Variants in UNC50 observed in about 807,000 individuals in gnomAD.
UNC50 encodes the protein unc-50 inner nuclear membrane RNA binding protein.
A neutral mutation model predicts 31.5 loss-of-function variants in UNC50; 24 were observed. The ratio of observed to expected loss-of-function variants is 0.76; its 90% CI spans 0.55 to 1.07. UNC50 has a LOEUF of 1.07. Among genes scored for constraint, UNC50 ranks in the 50% least tolerant of loss-of-function variants. The probability of loss-of-function intolerance (pLI) is 0.00; values close to 1 mark genes in which losing one functional copy is unlikely to be tolerated. For synonymous variants in UNC50, 118 were observed against 114.7 expected (o/e 1.03, Z -0.18); for missense variants, 245 against 304.2 (o/e 0.81, Z 1.45).
intron 3 of UNC50, among the ~76,000 whole-genome samples, chr2:98,614,931 G>A (rs1371144269): frequency 1.3e-5 from 2 of 152,182 alleles, no homozygotes; most frequent in African/African-American, 4.8e-5. Context: ...CCCTTGAGAT[G>A]AAATGAAATA....
At chr2:98,611,288 A>G (rs749814725) in intron 3 of UNC50, among the ~76,000 whole-genome samples, 21 of 152,242 alleles carry the variant, frequency 1.4e-4, no homozygotes, top group Non-Finnish European at 2.2e-4. Context: ...GACTTGAGAC[A>G]TCAGTCAATA....
chr2:98,618,384 T>TATC lies in UNC50; in HGVS notation c.*84_*86dup, dbSNP rs112341349. ...TTTCTTGTAAAACTTGTAAATAAAC[T>TATC]ATCATCTTTGTAGATATCTTAAAGG... is the stretch of plus-strand genomic sequence containing the variant. On this transcript the variant is annotated 3_prime_UTR_variant, in exon 6 of 6. Coordinates refer to ENST00000357765, the MANE Select transcript of UNC50 (RefSeq NM_014044.7). 1,422 of 1,435,352 alleles carry TATC rather than the reference T, an allele frequency of 9.9e-4. 14 individuals are homozygous for TATC. In the African/African-American group the frequency reaches 0.017, roughly 17 times the overall value. 88.9% of individuals were successfully genotyped at this position (1,435,352 alleles called of 1,614,324 possible).
chr2:98,617,761 TA>T (rs1700954713), intron 5 of UNC50, among the ~76,000 whole-genome samples: 1 of 152,198 alleles, frequency 6.6e-6, no homozygotes, highest in African/African-American at 2.4e-5. Context: ...CTCAAATAGC[TA>T]AAAGATGTTT....
intron 3 of UNC50, among the ~76,000 whole-genome samples, chr2:98,613,724 C>T (rs982220862): frequency 4.6e-5 from 7 of 152,146 alleles, no homozygotes; most frequent in African/African-American, 1.7e-4. Flanking sequence ...ACCAAATCAG[C>T]CTGGAGTTTA....
rs752690296 is a variant in UNC50, at chr2:98,608,608, G to T, written c.-123G>T. 207 of 600,278 alleles carry T rather than the reference G, an allele frequency of 3.4e-4. No homozygotes were observed. Among genetic ancestry groups the T allele is most frequent in the Non-Finnish European group, 5.8e-4 (195 of 338,594 alleles). 37.2% of individuals were successfully genotyped at this position (600,278 alleles called of 1,614,324 possible). ...GAAGTCGGTTCCCGTGACGCGGCGCGCCCCAAGGGCCGGCTCCGTTGAGGG... is the reference window on the plus strand; with the variant it reads ...GAAGTCGGTTCCCGTGACGCGGCGCTCCCCAAGGGCCGGCTCCGTTGAGGG... On this transcript the variant is annotated 5_prime_UTR_variant, in exon 1 of 6. Transcript: ENST00000357765.
At position 98,609,738 on chromosome 2, in the gene UNC50, T is replaced by C; in HGVS notation, c.-4-18T>C. ...TTCTTCAGAATACGTGTAAAAGAAATGTTTTTCTTCCATCTAGGAAGATGT... is the reference window on the plus strand; with the variant it reads ...TTCTTCAGAATACGTGTAAAAGAAACGTTTTTCTTCCATCTAGGAAGATGT... On this transcript the variant is annotated intron_variant, in intron 1 of 5. Transcript: ENST00000357765. 1 of 1,613,796 alleles carries C rather than the reference T, an allele frequency of 6.2e-7. No homozygotes were observed. The highest frequency in any genetic ancestry group is 1.3e-5 in the African/African-American group (1 of 75,062).
Position 98,610,023 on chromosome 2 carries a change from A to T in UNC50, c.264A>T (p.Leu88Phe), listed in dbSNP as rs775144283. ...ATGACCCTGCTTTCTTGGTCCTGTT[A>T]AGTATCTGGCTCTGTGGTAAGTGTG... ...ARDDPAFLVL[L>F]SIWLCVSTIG... Residue 88 changes from leucine to phenylalanine, a missense_variant, in exon 2 of 6, where the codon TTA (leucine) becomes TTT (phenylalanine). By Grantham distance (22) the Leu-to-Phe change is conservative. Transcript: ENST00000357765. 1 of 1,613,646 alleles carries T rather than the reference A, an allele frequency of 6.2e-7. No homozygotes were observed. Among genetic ancestry groups the T allele is most frequent in the South Asian group, 1.1e-5 (1 of 91,082 alleles).
chr2:98,611,041 C>T (rs1431605037), intron 3 of UNC50, 146 bp downstream of exon 3: 12 of 996,746 alleles, frequency 1.2e-5, no homozygotes, highest in Non-Finnish European at 1.7e-5. Context: ...TTACAATTTT[C>T]CCTCCTGTGT....
In UNC50 at chr2:98,610,978, A is replaced by G. The variant is rs958686561; in HGVS notation, c.401+83A>G. The G allele has an allele frequency of 2.7e-6, 4 of 1,460,038 alleles. No individual in the cohort carries two copies. In the Admixed American group the frequency reaches 9.0e-5, roughly 33 times the overall value. The allele number at this position is 1,460,038 out of a possible 1,614,324, so 90.4% of individuals were successfully genotyped here. A position where few individuals can be genotyped will look rare whatever the true frequency, so the allele number is the denominator to read the frequency against. ...TCAGAGGTACAATAGCAGCAGATGG[A>G]AATTGAAACCCAGGTAGAGTTACTA... On this transcript the variant is annotated intron_variant, in intron 3 of 5. Transcript: ENST00000357765.
Position 98,610,899 on chromosome 2 carries a change from A to C in UNC50, c.401+4A>C. Reference sequence around the variant, plus strand: ...TTCTGATAGCAACTTTAATGTGGTAAGTACCATAACTTTGGTTTTTCAGAT... The same window carrying C: ...TTCTGATAGCAACTTTAATGTGGTACGTACCATAACTTTGGTTTTTCAGAT... On this transcript the variant is annotated splice_donor_region_variant and intron_variant, in intron 3 of 5. Coordinates refer to ENST00000357765, the MANE Select transcript of UNC50 (RefSeq NM_014044.7). 1 of 1,613,114 alleles carries C rather than the reference A, an allele frequency of 6.2e-7. No individual in the cohort carries two copies. The highest frequency in any genetic ancestry group is 8.5e-7 in the Non-Finnish European group (1 of 1,179,578).
chr2:98,618,438 A>ATATT lies in UNC50; in HGVS notation c.*135_*138dup. 1 of 816,534 alleles carries ATATT rather than the reference A, an allele frequency of 1.2e-6. No individual in the cohort carries two copies. Among genetic ancestry groups the ATATT allele is most frequent in the South Asian group, 3.4e-5 (1 of 29,214 alleles). 50.6% of individuals were successfully genotyped at this position (816,534 alleles called of 1,614,324 possible). ...AAAGTTTGCAAATTTGAAGAAATAT[A>ATATT]TATTAACACTGTGGTCAGGTACATT... On this transcript the variant is annotated 3_prime_UTR_variant, in exon 6 of 6. Coordinates refer to ENST00000357765, the MANE Select transcript of UNC50 (RefSeq NM_014044.7).
In UNC50 at chr2:98,618,320, T is replaced by C; in HGVS notation, c.*16T>C. ...AGTGAAATAAAAAGTGAGAAGAAGA[T>C]TCAATCGTAACTGTGTCAACAGTAT... On this transcript the variant is annotated 3_prime_UTR_variant, in exon 6 of 6. Transcript: ENST00000357765. 6.3e-7 allele frequency: 1 copy of C among 1,587,538 alleles called. No homozygotes were observed. Among genetic ancestry groups the C allele is most frequent in the Non-Finnish European group, 8.5e-7 (1 of 1,171,982 alleles).
Position 98,616,340 on chromosome 2 carries a change from A to G in UNC50, c.535A>G (p.Ile179Val). The stretch of plus-strand genomic sequence containing the variant: ...TTTGCATTTTATCCAGCTTTTTTTC[A>G]TCAACCGTAAGTAGCAGTTAATTAG... ...VILHFIQLFF[I>V]NHVILTDTFI... is the part of the protein sequence containing the mutation. The change falls in exon 4 of 6, where the codon ATC (isoleucine) becomes GTC (valine). Residue 179 changes from isoleucine (I) to valine (V), a missense_variant. Coordinates refer to ENST00000357765, the MANE Select transcript of UNC50 (RefSeq NM_014044.7). The G allele has an allele frequency of 6.2e-7, 1 of 1,613,864 alleles. No homozygotes were observed. Among genetic ancestry groups the G allele is most frequent in the Non-Finnish European group, 8.5e-7 (1 of 1,179,960 alleles).
chr2:98,615,067 A>T (rs1700898837), intron 3 of UNC50, among the ~76,000 whole-genome samples: 1 of 152,234 alleles, frequency 6.6e-6, no homozygotes, highest in Non-Finnish European at 1.5e-5. Flanking sequence ...AAAAACTAGT[A>T]GGCCATGTTG....
At position 98,610,763 on chromosome 2, in the gene UNC50, T is replaced by A. The variant is rs746867182; in HGVS notation, c.281-12T>A. The A allele has an allele frequency of 6.2e-7, 1 of 1,612,978 alleles. No individual in the cohort carries two copies. Among genetic ancestry groups the A allele is most frequent in the Non-Finnish European group, 8.5e-7 (1 of 1,179,620 alleles). The stretch of plus-strand genomic sequence containing the variant: ...AGAGTCCCTAAATGAATCTTGTGAA[T>A]CTTTCTTTCAGTGTCCACTATAGGA... On this transcript the variant is annotated splice_polypyrimidine_tract_variant and intron_variant, in intron 2 of 5. Coordinates refer to ENST00000357765, the MANE Select transcript of UNC50 (RefSeq NM_014044.7).
At position 98,614,993 on chromosome 2, in the gene UNC50, T is replaced by G. The variant is rs189382157; in HGVS notation, c.402-1214T>G. Among the ~76,000 whole-genome samples, 47 of 152,394 alleles carry G rather than the reference T, an allele frequency of 3.1e-4. No homozygotes were observed. The East Asian group carries it at 8.3e-3, about 27-fold the overall frequency. The stretch of plus-strand genomic sequence containing the variant: ...CAATATATGTTTATAATACAAGTTT[T>G]GTTCTTTGAAGATCTTACTTTTCTG... On this transcript the variant is annotated intron_variant, in intron 3 of 5. Transcript: ENST00000357765.
At chr2:98,609,396 C>A in intron 1 of UNC50, 1 of 332,236 alleles carries the variant, frequency 3.0e-6, no homozygotes, top group Non-Finnish European at 5.6e-6. Flanking sequence ...TTCTTAAAAG[C>A]TTGGTGGTTA....
At chr2:98,610,934 G>A (rs1700817733) in intron 3 of UNC50, 39 bp downstream of exon 3, 1 of 1,593,570 alleles carries the variant, frequency 6.3e-7, no homozygotes. Flanking sequence ...TACTGCTGTA[G>A]CATCTCCATT....
intron 1 of UNC50, chr2:98,609,459 G>A (rs1026878110): frequency 3.9e-5 from 18 of 463,630 alleles, no homozygotes; most frequent in Non-Finnish European, 5.8e-5. Flanking sequence ...CACTATCCTC[G>A]GAGTCATGGG....
Sources: allele counts gnomAD v4.1 joint callset (sites outside exome capture counted in the v4.1 genomes callset), GRCh38; gene constraint gnomAD v4.1.1; transcripts MANE v1.5; gene names NCBI Gene and HGNC (gene_info 2026-07-23, HGNC 2026-07-21).